The following MOSMO variants were observed in gnomAD, a reference collection of about 807,000 sequenced individuals.
The protein encoded by MOSMO is modulator of smoothened protein.
Under a neutral mutation model 18.4 loss-of-function variants are expected in MOSMO, and 5 were observed. That is an observed-to-expected ratio of 0.27 (90% CI 0.14 to 0.57). MOSMO has a LOEUF of 0.57. Ranked by LOEUF, MOSMO falls within the 20% of genes least tolerant of loss-of-function variation. The pLI, the probability that MOSMO is intolerant of heterozygous loss-of-function variation, is 0.92. For synonymous variants in MOSMO, 82 were observed against 82.3 expected (o/e 1.00, Z 0.02); for missense variants, 138 against 211.8 (o/e 0.65, Z 2.16).
chr16:22,073,438 G>C (rs1458008196), intron 1 of MOSMO, among the ~76,000 whole-genome samples: 1 of 152,078 alleles, frequency 6.6e-6, no homozygotes, highest in Non-Finnish European at 1.5e-5. Context: ...GTCTTTTGCT[G>C]AATGATCAGG....
At chr16:22,087,586 C>A (rs921339098), downstream of MOSMO, 2 of 152,116 alleles carry the variant, frequency 1.3e-5, no homozygotes, top group African/African-American at 4.8e-5. Flanking sequence ...GTTGAAGAAC[C>A]AAAATCCTTT....
At chr16:22,048,563 A>G (rs568903141) in intron 1 of MOSMO, among the ~76,000 whole-genome samples, 169 of 152,270 alleles carry the variant, frequency 1.1e-3, no homozygotes, top group African/African-American at 3.9e-3. Flanking sequence ...ACATCTTTTC[A>G]TGTTACTGGC....
At chr16:22,089,922 TCC>T (rs2141800707), downstream of MOSMO, 1 of 152,086 alleles carries the variant, frequency 6.6e-6, no homozygotes, top group South Asian at 2.1e-4. Context: ...GAATATCATC[TCC>T]CCTTTGGCTT....
intron 1 of MOSMO, among the ~76,000 whole-genome samples, chr16:22,030,573 G>C (rs909733759): frequency 5.3e-5 from 8 of 152,132 alleles, no homozygotes; most frequent in Non-Finnish European, 7.3e-5. Flanking sequence ...GTCTCACCCT[G>C]TTGCCCAGGC....
At chr16:22,079,591 T>G (rs1345215342) in intron 2 of MOSMO, among the ~76,000 whole-genome samples, 1 of 152,176 alleles carries the variant, frequency 6.6e-6, no homozygotes, top group Non-Finnish European at 1.5e-5. Flanking sequence ...ATATACTCCT[T>G]TGTGTTTACA....
intron 1 of MOSMO, among the ~76,000 whole-genome samples, chr16:22,062,006 C>A (rs1410308623): frequency 6.6e-6 from 1 of 152,154 alleles, no homozygotes; most frequent in Non-Finnish European, 1.5e-5. Flanking sequence ...CCAAAGCTCT[C>A]CACTCTTAAA....
chr16:22,054,209 C>T (rs1007162228), intron 1 of MOSMO, among the ~76,000 whole-genome samples: 10 of 152,038 alleles, frequency 6.6e-5, no homozygotes, highest in Non-Finnish European at 1.0e-4. Context: ...CATCTTTGTG[C>T]CTTAGCCTCC....
intron 1 of MOSMO, among the ~76,000 whole-genome samples, chr16:22,017,986 G>A (rs1899675558): frequency 6.6e-6 from 1 of 152,008 alleles, no homozygotes; most frequent in Admixed American, 6.6e-5. Flanking sequence ...GGAAGTTTCA[G>A]TGTGTGACTC....
At chr16:22,046,705 T>C (rs1030784670) in intron 1 of MOSMO, among the ~76,000 whole-genome samples, 33 of 152,138 alleles carry the variant, frequency 2.2e-4, no homozygotes, top group African/African-American at 8.0e-4. Context: ...GACGTGGCGC[T>C]GAAGAGACCA....
At chr16:22,015,291 C>T (rs1289890492) in intron 1 of MOSMO, among the ~76,000 whole-genome samples, 1 of 151,832 alleles carries the variant, frequency 6.6e-6, no homozygotes, top group Non-Finnish European at 1.5e-5. Flanking sequence ...TGCTGTGTTT[C>T]CCAGGCTCAA....
downstream of MOSMO, chr16:22,087,050 T>G (rs1901195720): frequency 6.6e-6 from 1 of 152,180 alleles, no homozygotes; most frequent in Non-Finnish European, 1.5e-5. Context: ...TCCATTGATC[T>G]CCTTAGAATT....
At chr16:22,064,794 T>TA (rs2141764857) in intron 1 of MOSMO, among the ~76,000 whole-genome samples, 1 of 152,040 alleles carries the variant, frequency 6.6e-6, no homozygotes, top group East Asian at 1.9e-4. Flanking sequence ...TAAGACAGAG[T>TA]AAAAATACAA....
chr16:22,041,133 T>C (rs1054403037), intron 1 of MOSMO, among the ~76,000 whole-genome samples: 2 of 152,092 alleles, frequency 1.3e-5, no homozygotes, highest in African/African-American at 4.8e-5. Flanking sequence ...AAGAACAATT[T>C]AAATACAGTA....
At chr16:22,086,858 G>T (rs1901191781), downstream of MOSMO, 1 of 152,186 alleles carries the variant, frequency 6.6e-6, no homozygotes, top group African/African-American at 2.4e-5. Flanking sequence ...GAAAATTAAA[G>T]TTGGGGCTAG....
chr16:22,016,803 A>T (rs1465516610), intron 1 of MOSMO, among the ~76,000 whole-genome samples: 1 of 152,294 alleles, frequency 6.6e-6, no homozygotes, highest in East Asian at 1.9e-4. Flanking sequence ...CTCTTTCAGC[A>T]CTTCCAATAG....
chr16:22,027,424 G>A (rs1182093140), intron 1 of MOSMO, among the ~76,000 whole-genome samples: 2 of 152,154 alleles, frequency 1.3e-5, no homozygotes, highest in Non-Finnish European at 2.9e-5. Flanking sequence ...CTTGGTTCAT[G>A]TTCTAACCAA....
At chr16:22,039,260 T>A (rs560233289) in intron 1 of MOSMO, among the ~76,000 whole-genome samples, 12 of 152,338 alleles carry the variant, frequency 7.9e-5, no homozygotes, top group African/African-American at 2.9e-4. Context: ...TAGCAGTTTT[T>A]AACATTATTT....
At chr16:22,014,793 C>T (rs1442857066) in intron 1 of MOSMO, among the ~76,000 whole-genome samples, 1 of 152,120 alleles carries the variant, frequency 6.6e-6, no homozygotes, top group Non-Finnish European at 1.5e-5. Context: ...TCACTTTGGA[C>T]ATGATTTATA....
intron 1 of MOSMO, among the ~76,000 whole-genome samples, chr16:22,056,369 T>C (rs1470831891): frequency 7.8e-6 from 1 of 128,244 alleles, no homozygotes; most frequent in East Asian, 2.2e-4. Context: ...TTCTTTCTTT[T>C]TTTTTTTTTT....
Sources: allele counts gnomAD v4.1 joint callset (sites outside exome capture counted in the v4.1 genomes callset), GRCh38; gene constraint gnomAD v4.1.1; transcripts MANE v1.5; gene names NCBI Gene and HGNC (gene_info 2026-07-23, HGNC 2026-07-21).